The following PMS1 variants were observed in gnomAD, a reference collection of about 807,000 sequenced individuals.
PMS1 encodes the protein PMS1 protein homolog 1.
PMS1 carries 79 observed loss-of-function variants against 93.1 expected under a neutral mutation model. That is an observed-to-expected ratio of 0.85 (90% CI 0.71 to 1.02). PMS1 has a LOEUF of 1.02. Ranked by LOEUF, PMS1 falls within the 50% of genes least tolerant of loss-of-function variation. The probability of loss-of-function intolerance (pLI) is 0.00; values close to 1 mark genes in which losing one functional copy is unlikely to be tolerated. For synonymous variants in PMS1, 335 were observed against 363.4 expected (o/e 0.92, Z 0.89); for missense variants, 1,064 against 1,085.3 (o/e 0.98, Z 0.28).
At chr2:189,795,369 GT>G (rs2049256913) in intron 2 of PMS1, among the ~76,000 whole-genome samples, 1 of 152,168 alleles carries the variant, frequency 6.6e-6, no homozygotes, top group South Asian at 2.1e-4. Flanking sequence ...TAGAACATGT[GT>G]TACTTTGTCG....
At chr2:189,857,704 A>C (rs1346887938) in intron 9 of PMS1, among the ~76,000 whole-genome samples, 1 of 152,084 alleles carries the variant, frequency 6.6e-6, no homozygotes, top group African/African-American at 2.4e-5. Flanking sequence ...GTCACAGATA[A>C]AACATACTTT....
intron 5 of PMS1, among the ~76,000 whole-genome samples, chr2:189,836,581 A>G (rs1400699087): frequency 6.6e-6 from 1 of 152,222 alleles, no homozygotes; most frequent in Non-Finnish European, 1.5e-5. Flanking sequence ...CCCAGTTCTT[A>G]TTCATCACAT....
intron 7 of PMS1, among the ~76,000 whole-genome samples, chr2:189,853,515 C>CTTTTT (rs1160834468): frequency 7.7e-4 from 109 of 142,068 alleles, no homozygotes; most frequent in African/African-American, 3.1e-3. Context: ...CTTTTCTTTT[C>CTTTTT]TTTTCTTTTT....
chr2:189,796,882 G>GA (rs2049408605), intron 3 of PMS1, among the ~76,000 whole-genome samples: 1 of 151,712 alleles, frequency 6.6e-6, no homozygotes, highest in African/African-American at 2.4e-5. Flanking sequence ...CTTCTTTGGG[G>GA]TATATATCCA....
chr2:189,842,977 TAC>T (rs1553577744), intron 5 of PMS1, among the ~76,000 whole-genome samples: 1 of 137,014 alleles, frequency 7.3e-6, no homozygotes, highest in East Asian at 2.0e-4. Context: ...TATATATATA[TAC>T]ACACACACAT....
Position 189,852,683 on chromosome 2 carries a change from G to C in PMS1, c.728G>C (p.Cys243Ser), listed in dbSNP as rs1192066671. 4 of 1,602,378 alleles carry C rather than the reference G, an allele frequency of 2.5e-6. No individual in the cohort carries two copies. In the South Asian group the frequency reaches 4.4e-5, roughly 18 times the overall value. Residue 243 changes from cysteine to serine, a missense_variant, in exon 7 of 13, where the codon TGT becomes TCT. Cys to Ser is a moderately radical substitution (Grantham distance 112). Coordinates refer to ENST00000441310, the MANE Select transcript of PMS1 (RefSeq NM_000534.5). ...TATCTCAGTGGATTTCTTCCAAAGT[G>C]TGATGCAGACCACTCTTTCACTAGT... is the stretch of plus-strand genomic sequence containing the variant. ...QIYLSGFLPK[C>S]DADHSFTSLS...
intron 6 of PMS1, among the ~76,000 whole-genome samples, chr2:189,849,170 C>T (rs1369798147): frequency 6.6e-6 from 1 of 152,106 alleles, no homozygotes; most frequent in Non-Finnish European, 1.5e-5. Context: ...CTCAACAGGG[C>T]CACTGCTCTG....
At chr2:189,792,688 AATAT>A (rs3067428) in intron 2 of PMS1, among the ~76,000 whole-genome samples, 6,060 of 127,204 alleles carry the variant, frequency 0.048, 242 homozygotes, top group East Asian at 0.15. Context: ...TATGGACACA[AATAT>A]ATATATATAT....
At chr2:189,847,254 T>A (rs761684198) in intron 6 of PMS1, among the ~76,000 whole-genome samples, 4 of 152,218 alleles carry the variant, frequency 2.6e-5, no homozygotes, top group Non-Finnish European at 5.9e-5. Context: ...GAGCATTTGA[T>A]GTGGATCTTT....
chr2:189,825,625 T>C (rs953412328), intron 5 of PMS1, among the ~76,000 whole-genome samples: 4 of 152,228 alleles, frequency 2.6e-5, no homozygotes, highest in African/African-American at 9.6e-5. Context: ...TTTCCAAAAA[T>C]ATTATTTGTG....
intron 2 of PMS1, among the ~76,000 whole-genome samples, chr2:189,794,040 G>A (rs1408216918): frequency 6.6e-6 from 1 of 152,096 alleles, no homozygotes; most frequent in Non-Finnish European, 1.5e-5. Flanking sequence ...ACAGGCGTGA[G>A]CCACCATACT....
chr2:189,860,153 G>A (rs951166463), intron 9 of PMS1, among the ~76,000 whole-genome samples: 10 of 152,090 alleles, frequency 6.6e-5, no homozygotes, highest in African/African-American at 2.2e-4. Flanking sequence ...TCATACATGT[G>A]TACACACACA....
intron 1 of PMS1, 32 bp from the exon 2 acceptor site, chr2:189,791,758 C>G: frequency 6.4e-7 from 1 of 1,567,068 alleles, no homozygotes; most frequent in African/African-American, 1.3e-5. Context: ...GAATGCTTAA[C>G]AATTCTTACA....
chr2:189,842,499 T>C (rs2053895590), intron 5 of PMS1, among the ~76,000 whole-genome samples: 1 of 152,220 alleles, frequency 6.6e-6, no homozygotes, highest in Admixed American at 6.5e-5. Flanking sequence ...AATCTGATTA[T>C]GTACTTCACA....
intron 5 of PMS1, among the ~76,000 whole-genome samples, chr2:189,828,025 G>A (rs1233294): frequency 0.02 from 2,977 of 152,122 alleles, 92 homozygotes; most frequent in African/African-American, 0.067. Flanking sequence ...CCGGGTTCAC[G>A]CCATTCTCCT....
At chr2:189,800,061 C>T (rs761615041) in intron 3 of PMS1, among the ~76,000 whole-genome samples, 8 of 152,230 alleles carry the variant, frequency 5.3e-5, no homozygotes, top group Non-Finnish European at 1.2e-4. Context: ...AACTTCAAAA[C>T]ACTGTCTCTA....
At chr2:189,824,277 A>G (rs1005583623) in intron 5 of PMS1, among the ~76,000 whole-genome samples, 1 of 152,144 alleles carries the variant, frequency 6.6e-6, no homozygotes, top group African/African-American at 2.4e-5. Flanking sequence ...ATACTGAAAC[A>G]ATACTTAAAA....
Position 189,856,578 on chromosome 2 carries a change from GAC to G in PMS1, c.1856+1454_1856+1455del, listed in dbSNP as rs377008605. ...TGATTGTCTTTAGTTTTACCTAAAT[GAC>G]ACAACTATGCAGTTTAAAGGTGAGG... On this transcript the variant is annotated intron_variant, in intron 9 of 12. Transcript: ENST00000441310. 3.0e-3 allele frequency among the ~76,000 whole-genome samples: 449 copies of G among 152,168 alleles called. 1 individual carries two copies. The highest frequency in any genetic ancestry group is 5.4e-3 in the Non-Finnish European group (369 of 67,954).
intron 7 of PMS1, 130 bp downstream of exon 7, chr2:189,852,907 G>T: frequency 1.5e-6 from 1 of 676,338 alleles, no homozygotes; most frequent in Non-Finnish European, 2.6e-6. Context: ...CATTATGCAT[G>T]ATAGAAAGAC....
Sources: gnomAD v4.1 joint callset for allele counts (sites outside exome capture counted in the v4.1 genomes callset) on GRCh38, gnomAD v4.1.1 for gene constraint, MANE v1.5 for transcripts, NCBI Gene and HGNC (gene_info 2026-07-23, HGNC 2026-07-21) for gene names.